The following ARHGAP31 variants were observed in gnomAD, a reference collection of about 807,000 sequenced individuals.
ARHGAP31 encodes the protein rho GTPase-activating protein 31.
Under a neutral mutation model 113.9 loss-of-function variants are expected in ARHGAP31, and 34 were observed. That is an observed-to-expected ratio of 0.30 (90% CI 0.23 to 0.40). ARHGAP31 has a LOEUF of 0.40. Among genes scored for constraint, ARHGAP31 ranks in the 10% least tolerant of loss-of-function variants. The pLI is 1.00. For missense variants in ARHGAP31, 1,548 were observed against 1,767.1 expected, an observed-to-expected ratio of 0.88 and a Z score of 2.22; for synonymous variants, 650 against 684.8, an observed-to-expected ratio of 0.95 and a Z score of 0.79.
At position 119,295,003 on chromosome 3, in the gene ARHGAP31, T is replaced by C. The variant is rs2079520306; in HGVS notation, c.99T>C (p.Asp33=). The C allele has an allele frequency of 5.0e-6, 8 of 1,614,140 alleles. No individual in the cohort carries two copies. Among genetic ancestry groups the C allele is most frequent in the Middle Eastern group, 1.6e-4 (1 of 6,062 alleles). ...LTEYLESSGQ[D]VPYVLKSCAE... ...AGTATCTGGAAAGCTCGGGACAGGA[T>C]GGTAATGTGCCTTGGCCTTTCTCCC... Residue 33 remains aspartate, a splice_region_variant and synonymous_variant, in exon 1 of 12, where the codon GAT becomes GAC. Transcript: ENST00000264245.
At chr3:119,376,167 G>T (rs574587513) in intron 3 of ARHGAP31, among the ~76,000 whole-genome samples, 24 of 152,296 alleles carry the variant, frequency 1.6e-4, no homozygotes, top group African/African-American at 5.8e-4. Context: ...TTTACTGACA[G>T]ATTTGTTGAC....
intron 1 of ARHGAP31, among the ~76,000 whole-genome samples, chr3:119,310,337 A>G (rs1295989906): frequency 6.6e-6 from 1 of 152,208 alleles, no homozygotes; most frequent in African/African-American, 2.4e-5. Context: ...GCAAGAAAGG[A>G]GATCCAGACT....
chr3:119,365,323 C>A lies in ARHGAP31; in HGVS notation c.108C>A (p.Tyr36Ter). 6.2e-7 allele frequency: 1 copy of A among 1,613,500 alleles called. No homozygotes were observed. The highest frequency in any genetic ancestry group is 2.2e-5 in the East Asian group (1 of 44,870). Residue 36 changes from tyrosine (Y) to a stop codon, truncating the protein, a stop_gained, in exon 2 of 12, where the codon TAC (tyrosine) becomes TAA (stop). Transcript: ENST00000264245. LOFTEE classifies it high-confidence loss of function. ...YLESSGQDVP[Y>*]VLKSCAEFIE... The stretch of plus-strand genomic sequence containing the variant: ...TTCTTTTCTTTTACATAGTTCCATA[C>A]GTTTTGAAGAGCTGTGCAGAATTTA...
intron 1 of ARHGAP31, among the ~76,000 whole-genome samples, chr3:119,296,660 C>T (rs2079536215): frequency 6.6e-6 from 1 of 152,144 alleles, no homozygotes; most frequent in South Asian, 2.1e-4. Flanking sequence ...GCCAGAACCC[C>T]AGGGTTCTAT....
intron 1 of ARHGAP31, among the ~76,000 whole-genome samples, chr3:119,356,486 C>G (rs1041156207): frequency 6.6e-6 from 1 of 151,986 alleles, no homozygotes; most frequent in African/African-American, 2.4e-5. Flanking sequence ...CAAAAATTAG[C>G]CAGGTGTGGT....
Position 119,416,557 on chromosome 3 carries a change from G to C in ARHGAP31, c.*293G>C, listed in dbSNP as rs1359215469. On this transcript the variant is annotated 3_prime_UTR_variant, in exon 12 of 12. Transcript: ENST00000264245. ...AATGAACTTTGGAGCTTGTATGTGA[G>C]TCAGATTGCTCCCCTATTGCTATTA... 1 of 442,272 alleles carries C rather than the reference G, an allele frequency of 2.3e-6. No homozygotes were observed. Among genetic ancestry groups the C allele is most frequent in the African/African-American group, 2.0e-5 (1 of 50,016 alleles). 27.4% of individuals were successfully genotyped at this position (442,272 alleles called of 1,614,324 possible).
chr3:119,337,141 T>G lies in ARHGAP31; in HGVS notation c.101-28175T>G, dbSNP rs183209639. ...TTGGTGAGCTCTTGGTCTTGCTCAC[T>G]TCAAGAATGAAGCCGCGGACCCTGG... On this transcript the variant is annotated intron_variant, in intron 1 of 11. Transcript: ENST00000264245. 1.9e-3 allele frequency among the ~76,000 whole-genome samples: 293 copies of G among 152,336 alleles called. 1 individual carries two copies. Among genetic ancestry groups the G allele is most frequent in the African/African-American group, 6.3e-3 (264 of 41,584 alleles).
At position 119,294,916 on chromosome 3, in the gene ARHGAP31, G is replaced by A. The variant is rs778274905; in HGVS notation, c.12G>A (p.Lys4=). The change falls in exon 1 of 12, where the codon AAG becomes AAA. Residue 4 remains lysine (K), a synonymous_variant. Transcript: ENST00000264245. ...TTTGGGACTAACTCATGAAGAACAAGGGTGCTAAGCAGAAGCTGAAACGAA... is the reference window on the plus strand; with the variant it reads ...TTTGGGACTAACTCATGAAGAACAAAGGTGCTAAGCAGAAGCTGAAACGAA... MKN[K]GAKQKLKRKG... is the part of the protein sequence containing the mutation. The A allele has an allele frequency of 6.2e-6, 10 of 1,613,990 alleles. No homozygotes were observed. The African/African-American group carries it at 1.2e-4, about 19-fold the overall frequency.
rs1000537989 is a variant in ARHGAP31, at chr3:119,294,476, C to G, written c.-429C>G. The G allele has an allele frequency of 1.2e-5, 5 of 433,596 alleles. No individual in the cohort carries two copies. The highest frequency in any genetic ancestry group is 6.2e-5 in the African/African-American group (3 of 48,762). 26.9% of individuals were successfully genotyped at this position (433,596 alleles called of 1,614,324 possible). On this transcript the variant is annotated 5_prime_UTR_variant, in exon 1 of 12. Coordinates refer to ENST00000264245, the MANE Select transcript of ARHGAP31 (RefSeq NM_020754.4). ...AGACAGCGGGCCCAGGGCGCAGGAC[C>G]CACCGCAGCCCCCTGGGCAGTCTCC...
intron 1 of ARHGAP31, among the ~76,000 whole-genome samples, chr3:119,346,342 A>C (rs960732153): frequency 2.6e-5 from 4 of 152,244 alleles, no homozygotes; most frequent in African/African-American, 9.6e-5. Flanking sequence ...CTATTTAAGA[A>C]GAGAAAGCAA....
At chr3:119,392,727 C>T (rs1220271086) in intron 7 of ARHGAP31, among the ~76,000 whole-genome samples, 1 of 152,194 alleles carries the variant, frequency 6.6e-6, no homozygotes, top group South Asian at 2.1e-4. Flanking sequence ...CTACCCTCTG[C>T]GTTTCTCTGC....
At chr3:119,314,923 A>G (rs1466896933) in intron 1 of ARHGAP31, among the ~76,000 whole-genome samples, 1 of 152,242 alleles carries the variant, frequency 6.6e-6, no homozygotes, top group African/African-American at 2.4e-5. Flanking sequence ...AGTGAATGCA[A>G]TGAGTCCTTA....
chr3:119,366,858 C>G (rs1052857452), intron 2 of ARHGAP31, among the ~76,000 whole-genome samples: 2 of 151,872 alleles, frequency 1.3e-5, no homozygotes, highest in Non-Finnish European at 2.9e-5. Flanking sequence ...TCCCAGCACT[C>G]TGGGAGGCCG....
chr3:119,401,170 C>CA (rs11459615), intron 9 of ARHGAP31, among the ~76,000 whole-genome samples: 74,342 of 131,486 alleles, frequency 0.57, 19,972 homozygotes, highest in Admixed American at 0.59. Flanking sequence ...TACTCCATCT[C>CA]AAAAAAAAAA....
chr3:119,400,640 G>A (rs1381782455), intron 9 of ARHGAP31, among the ~76,000 whole-genome samples: 1 of 152,010 alleles, frequency 6.6e-6, no homozygotes, highest in Non-Finnish European at 1.5e-5. Flanking sequence ...TATATACATG[G>A]CATGTGAGTA....
chr3:119,309,275 T>C (rs2079657512), intron 1 of ARHGAP31, among the ~76,000 whole-genome samples: 1 of 152,234 alleles, frequency 6.6e-6, no homozygotes, highest in Non-Finnish European at 1.5e-5. Flanking sequence ...AATGAGTCTC[T>C]ACTTTGTAGA....
intron 1 of ARHGAP31, among the ~76,000 whole-genome samples, chr3:119,298,022 CAG>C (rs2079548523): frequency 6.6e-6 from 1 of 152,118 alleles, no homozygotes; most frequent in African/African-American, 2.4e-5. Flanking sequence ...ACTGGCTACA[CAG>C]GGGGGCCTGA....
Position 119,365,392 on chromosome 3 carries a change from A to T in ARHGAP31, c.177A>T (p.Gly59=), listed in dbSNP as rs1304494675. The T allele has an allele frequency of 1.2e-6, 2 of 1,614,082 alleles. No homozygotes were observed. The highest frequency in any genetic ancestry group is 8.5e-7 in the Non-Finnish European group (1 of 1,179,992). Residue 59 remains glycine (G), a synonymous_variant, in exon 2 of 12, where the codon GGA becomes GGT. Coordinates refer to ENST00000264245, the MANE Select transcript of ARHGAP31 (RefSeq NM_020754.4). ...TGGATGGAATCTATCGGCTTTCAGG[A>T]GTCACCTCAAACATACAACGGCTAA... ...GIVDGIYRLS[G]VTSNIQRLRQ... is the part of the protein sequence containing the mutation.
chr3:119,349,489 G>T (rs1193110289), intron 1 of ARHGAP31, among the ~76,000 whole-genome samples: 1 of 152,222 alleles, frequency 6.6e-6, no homozygotes, highest in East Asian at 1.9e-4. Flanking sequence ...GAATGCAAAG[G>T]CAGAAGGGGT....
Sources: gnomAD v4.1 joint callset for allele counts (sites outside exome capture counted in the v4.1 genomes callset) on GRCh38, gnomAD v4.1.1 for gene constraint, MANE v1.5 for transcripts, NCBI Gene and HGNC (gene_info 2026-07-23, HGNC 2026-07-21) for gene names.